GABRB2: variants seen among roughly 807,000 people sequenced by gnomAD.
GABRB2 encodes gamma-aminobutyric acid receptor subunit beta-2.
In GABRB2, 16 loss-of-function variants were observed where a neutral mutation model predicts 54.7. That is an observed-to-expected ratio of 0.29 (90% CI 0.20 to 0.44). GABRB2 has a LOEUF of 0.44. GABRB2 is among the 20% of genes least tolerant of loss of function. The probability of loss-of-function intolerance (pLI) is 1.00; values close to 1 mark genes in which losing one functional copy is unlikely to be tolerated. For missense variants in GABRB2, 355 were observed against 644.0 expected, an observed-to-expected ratio of 0.55 and a Z score of 4.86; for synonymous variants, 244 against 233.8, an observed-to-expected ratio of 1.04 and a Z score of -0.40.
chr5:161,299,834 G>A (rs1757485715), intron 9 of GABRB2, among the ~76,000 whole-genome samples: 1 of 152,098 alleles, frequency 6.6e-6, no homozygotes, highest in Admixed American at 6.6e-5. Flanking sequence ...AGACAGTATA[G>A]GTAGGGCAGG....
intron 5 of GABRB2, among the ~76,000 whole-genome samples, chr5:161,391,888 G>A (rs1314332010): frequency 1.3e-5 from 2 of 152,120 alleles, no homozygotes; most frequent in East Asian, 3.9e-4. Context: ...TCTAAGAAGG[G>A]ACTGACTGCT....
At chr5:161,507,925 T>C (rs1759657530) in intron 3 of GABRB2, among the ~76,000 whole-genome samples, 1 of 152,012 alleles carries the variant, frequency 6.6e-6, no homozygotes, top group South Asian at 2.1e-4. Context: ...AGGGACCATT[T>C]TGAAGAACAG....
chr5:161,450,576 A>G (rs947396939), intron 4 of GABRB2, among the ~76,000 whole-genome samples: 15 of 152,096 alleles, frequency 9.9e-5, no homozygotes, highest in Admixed American at 2.0e-4. Context: ...TAACTCCAGC[A>G]GTAGCAGTAG....
intron 5 of GABRB2, among the ~76,000 whole-genome samples, chr5:161,369,089 C>T (rs1262875347): frequency 6.6e-6 from 1 of 152,168 alleles, no homozygotes; most frequent in African/African-American, 2.4e-5. Flanking sequence ...TTACATTTGG[C>T]AACTTCTAAC....
intron 5 of GABRB2, 94 bp downstream of exon 5, chr5:161,410,881 G>A: frequency 2.3e-6 from 2 of 883,994 alleles, no homozygotes; most frequent in South Asian, 3.3e-5. Context: ...AACCTTTGCA[G>A]GGCCTGTGGT....
chr5:161,310,672 C>CGT (rs1757836544), intron 9 of GABRB2, among the ~76,000 whole-genome samples: 2 of 120,202 alleles, frequency 1.7e-5, no homozygotes, highest in African/African-American at 9.0e-5. Context: ...CGCACGCGCA[C>CGT]GCGCGCACAC....
At chr5:161,336,586 A>C in intron 6 of GABRB2, 46 bp downstream of exon 6, 1 of 1,599,820 alleles carries the variant, frequency 6.3e-7, no homozygotes, top group Non-Finnish European at 8.5e-7. Flanking sequence ...GTTTAACAAA[A>C]TACGGTGAAG....
chr5:161,412,429 A>G (rs564680346), intron 4 of GABRB2, among the ~76,000 whole-genome samples: 1 of 152,106 alleles, frequency 6.6e-6, no homozygotes, highest in South Asian at 2.1e-4. Context: ...CTCCCCTCTG[A>G]GTCTACATCC....
intron 3 of GABRB2, among the ~76,000 whole-genome samples, chr5:161,516,367 C>A (rs902153992): frequency 6.6e-6 from 1 of 152,014 alleles, no homozygotes; most frequent in Admixed American, 6.6e-5. Context: ...CCCTGCTTTG[C>A]AGATGAGGAA....
chr5:161,442,602 C>A, intron 4 of GABRB2, among the ~76,000 whole-genome samples: 1 of 152,158 alleles, frequency 6.6e-6, no homozygotes, highest in Non-Finnish European at 1.5e-5. Context: ...TGCTGTAATG[C>A]TGAGCAGCAC....
intron 3 of GABRB2, among the ~76,000 whole-genome samples, chr5:161,472,742 A>C (rs1758480595): frequency 1.3e-5 from 2 of 151,964 alleles, no homozygotes; most frequent in Non-Finnish European, 2.9e-5. Flanking sequence ...GCTACCTGTA[A>C]TAATGTGCTC....
chr5:161,309,906 C>A (rs1050676879), intron 9 of GABRB2, among the ~76,000 whole-genome samples: 1 of 152,134 alleles, frequency 6.6e-6, no homozygotes, highest in African/African-American at 2.4e-5. Context: ...GCTGGGATTA[C>A]AGGCTTGAGC....
intron 4 of GABRB2, among the ~76,000 whole-genome samples, chr5:161,416,622 G>A (rs1271594688): frequency 1.8e-4 from 27 of 146,836 alleles, no homozygotes; most frequent in African/African-American, 6.2e-4. Context: ...GCGTGAACCC[G>A]GGAGGCGGAG....
chr5:161,351,279 T>C (rs999663110), intron 5 of GABRB2, among the ~76,000 whole-genome samples: 3 of 152,106 alleles, frequency 2.0e-5, no homozygotes, highest in African/African-American at 4.8e-5. Flanking sequence ...GGAGGCATTA[T>C]ACTACCTGAC....
At chr5:161,329,593 C>T (rs570074935) in intron 8 of GABRB2, 1 of 152,274 alleles carries the variant, frequency 6.6e-6, no homozygotes, top group Admixed American at 6.5e-5. Context: ...GCTCCAAATA[C>T]AACTCAATGG....
At chr5:161,406,717 A>G (rs1471839565) in intron 5 of GABRB2, among the ~76,000 whole-genome samples, 2 of 152,040 alleles carry the variant, frequency 1.3e-5, no homozygotes, top group Non-Finnish European at 2.9e-5. Context: ...TCTCTCAGGT[A>G]ATCAGTGACT....
intron 3 of GABRB2, among the ~76,000 whole-genome samples, chr5:161,505,100 T>G (rs1759564078): frequency 6.6e-6 from 1 of 151,470 alleles, no homozygotes; most frequent in Non-Finnish European, 1.5e-5. Flanking sequence ...TCTTTTCTTT[T>G]TTCCTTTTCT....
At chr5:161,341,968 T>TATATATATATATATAC (rs1205547471) in intron 5 of GABRB2, among the ~76,000 whole-genome samples, 7 of 31,126 alleles carry the variant, frequency 2.2e-4, no homozygotes, top group East Asian at 2.1e-3. Context: ...TATATATATA[T>TATATATATATATATAC]ACATACTTTA....
At chr5:161,300,926 C>T (rs745697740) in intron 9 of GABRB2, among the ~76,000 whole-genome samples, 8 of 152,206 alleles carry the variant, frequency 5.3e-5, no homozygotes, top group African/African-American at 1.9e-4. Context: ...CAGAGAACAA[C>T]ATATGCAGCT....
Sources: gnomAD v4.1 joint callset for allele counts (sites outside exome capture counted in the v4.1 genomes callset) on GRCh38, gnomAD v4.1.1 for gene constraint, MANE v1.5 for transcripts, NCBI Gene and HGNC (gene_info 2026-07-23, HGNC 2026-07-21) for gene names.